Variants in CGRRF1 observed in about 807,000 individuals in gnomAD.
CGRRF1 encodes the protein cell growth regulator with ring finger domain 1, also known as cell growth regulator with RING finger domain protein 1.
Under a neutral mutation model 37.2 loss-of-function variants are expected in CGRRF1, and 32 were observed. The ratio of observed to expected loss-of-function variants is 0.86; its 90% confidence interval spans 0.65 to 1.16. The LOEUF (loss-of-function observed/expected upper bound fraction) is 1.16, where lower values mean the gene tolerates loss of function less well. CGRRF1 is among the 50% of genes most tolerant of loss of function. The pLI, the probability that CGRRF1 is intolerant of heterozygous loss-of-function variation, is 0.00. For synonymous variants in CGRRF1, 141 were observed against 140.3 expected (o/e 1.00, Z -0.04); for missense variants, 391 against 382.6 (o/e 1.02, Z -0.18).
At chr14:54,512,494 C>T (rs1235968854) in intron 1 of CGRRF1, among the ~76,000 whole-genome samples, 2 of 152,208 alleles carry the variant, frequency 1.3e-5, no homozygotes, top group African/African-American at 2.4e-5. Flanking sequence ...TATTCCCGGC[C>T]TCCTCTTGAC....
intron 4 of CGRRF1, chr14:54,536,347 C>T (rs1000571982): frequency 2.0e-5 from 3 of 152,034 alleles, no homozygotes; most frequent in African/African-American, 7.3e-5. Context: ...TGTGCTTGGA[C>T]ATTCAGGTGG....
chr14:54,535,558 T>A (rs926202825), intron 4 of CGRRF1, among the ~76,000 whole-genome samples: 1 of 152,200 alleles, frequency 6.6e-6, no homozygotes, highest in African/African-American at 2.4e-5. Context: ...CATGTTAATT[T>A]TGATCTCTTA....
chr14:54,528,854 C>CAAGGAAACCG (rs1377549765), intron 2 of CGRRF1, among the ~76,000 whole-genome samples: 2 of 152,142 alleles, frequency 1.3e-5, no homozygotes, highest in Non-Finnish European at 2.9e-5. Context: ...CAATGCTACT[C>CAAGGAAACCG]AGACTCTCAG....
chr14:54,522,691 T>C (rs955411082), intron 2 of CGRRF1, 98 bp downstream of exon 2: 11 of 1,148,442 alleles, frequency 9.6e-6, no homozygotes, highest in Non-Finnish European at 1.4e-5. Context: ...ATTAGACTTT[T>C]AACAAACATT....
intron 4 of CGRRF1, among the ~76,000 whole-genome samples, chr14:54,533,859 T>A (rs2032559563): frequency 1.3e-5 from 2 of 152,184 alleles, no homozygotes; most frequent in South Asian, 4.1e-4. Context: ...AAAGTGTAGA[T>A]AAGCCAAAAG....
chr14:54,511,091 G>A (rs1036933673), intron 1 of CGRRF1, among the ~76,000 whole-genome samples: 4 of 152,214 alleles, frequency 2.6e-5, no homozygotes, highest in African/African-American at 9.6e-5. Flanking sequence ...CAGAGAACAT[G>A]TTAGTGAATA....
At chr14:54,532,817 C>T (rs1344506569) in intron 4 of CGRRF1, among the ~76,000 whole-genome samples, 1 of 151,992 alleles carries the variant, frequency 6.6e-6, no homozygotes, top group East Asian at 1.9e-4. Context: ...GGCCTTCTGG[C>T]TTCCTCCCTC....
chr14:54,521,248 G>A (rs1415291972), intron 1 of CGRRF1, among the ~76,000 whole-genome samples: 2 of 151,964 alleles, frequency 1.3e-5, no homozygotes, highest in African/African-American at 2.4e-5. Flanking sequence ...ATCACCTAAG[G>A]TCAGGAGTTC....
At chr14:54,531,484 G>A (rs181362336) in intron 4 of CGRRF1, among the ~76,000 whole-genome samples, 1 of 152,160 alleles carries the variant, frequency 6.6e-6, no homozygotes, top group East Asian at 1.9e-4. Context: ...TGTCATATTT[G>A]CTGTATAGAA....
At chr14:54,533,844 A>G (rs1279759595) in intron 4 of CGRRF1, among the ~76,000 whole-genome samples, 1 of 152,090 alleles carries the variant, frequency 6.6e-6, no homozygotes, top group Non-Finnish European at 1.5e-5. Flanking sequence ...AGGAAAAAAA[A>G]TTAGAAAGTG....
intron 1 of CGRRF1, among the ~76,000 whole-genome samples, chr14:54,510,623 T>C (rs1332020033): frequency 1.3e-5 from 2 of 152,226 alleles, no homozygotes; most frequent in Non-Finnish European, 2.9e-5. Flanking sequence ...ATTTAGTCGA[T>C]AGAATTGTAA....
At chr14:54,531,865 T>C (rs139771173) in intron 4 of CGRRF1, among the ~76,000 whole-genome samples, 1 of 152,294 alleles carries the variant, frequency 6.6e-6, no homozygotes, top group African/African-American at 2.4e-5. Flanking sequence ...GGTAAAAATG[T>C]CCTTACACAC....
chr14:54,521,325 G>C (rs1297510173), intron 1 of CGRRF1, among the ~76,000 whole-genome samples: 1 of 151,726 alleles, frequency 6.6e-6, no homozygotes, highest in East Asian at 2.0e-4. Context: ...CCTGGGCATG[G>C]TGGCACATGC....
Position 54,531,009 on chromosome 14 carries a change from T to C in CGRRF1, c.529T>C (p.Leu177=). ...PRSRYPLVAL[L]TLADEDDREI... ...ATCTCGCTATCCATTGGTAGCGCTA[T>C]TGACCTTAGCTGATGAGGATGACCG... The change falls in exon 4 of 6, where the codon TTG becomes CTG. Residue 177 remains leucine (L), a synonymous_variant. Transcript: ENST00000216420. 6.2e-7 allele frequency: 1 copy of C among 1,612,760 alleles called. No homozygotes were observed. The highest frequency in any genetic ancestry group is 8.5e-7 in the Non-Finnish European group (1 of 1,179,220).
intron 4 of CGRRF1, among the ~76,000 whole-genome samples, chr14:54,535,634 C>G (rs2032589601): frequency 6.6e-6 from 1 of 152,076 alleles, no homozygotes; most frequent in African/African-American, 2.4e-5. Context: ...TGAGGAGGCA[C>G]TGTAAGATCA....
intron 2 of CGRRF1, among the ~76,000 whole-genome samples, chr14:54,526,065 C>G (rs1395292681): frequency 6.6e-6 from 1 of 151,634 alleles, no homozygotes; most frequent in Non-Finnish European, 1.5e-5. Flanking sequence ...CCACTGCACT[C>G]CAGCCTGGGC....
At chr14:54,529,764 C>T (rs1200922463) in intron 2 of CGRRF1, among the ~76,000 whole-genome samples, 1 of 152,056 alleles carries the variant, frequency 6.6e-6, no homozygotes, top group Non-Finnish European at 1.5e-5. Flanking sequence ...TGGGAAATGT[C>T]TTAGAGTCGC....
In CGRRF1 at chr14:54,530,220, A is replaced by G; in HGVS notation, c.416A>G (p.Gln139Arg). Residue 139 changes from glutamine to arginine, a missense_variant, in exon 3 of 6, where the codon CAG (glutamine) becomes CGG (arginine). Transcript: ENST00000216420. ...ALYSEYLYQE[Q>R]YFIKKDSKEE... ...TATAGTGAATATCTCTATCAGGAAC[A>G]GTATTTGTATCCTTTCGTCTGATAT... The G allele has an allele frequency of 6.2e-7, 1 of 1,600,514 alleles. No homozygotes were observed. The highest frequency in any genetic ancestry group is 8.6e-7 in the Non-Finnish European group (1 of 1,169,354).
At chr14:54,529,277 C>CA (rs1159615574) in intron 2 of CGRRF1, among the ~76,000 whole-genome samples, 4 of 152,168 alleles carry the variant, frequency 2.6e-5, no homozygotes, top group Admixed American at 6.5e-5. Flanking sequence ...ACAAATACCA[C>CA]TAGGAGGGGG....
Sources: gnomAD v4.1 joint callset for allele counts (sites outside exome capture counted in the v4.1 genomes callset) on GRCh38, gnomAD v4.1.1 for gene constraint, MANE v1.5 for transcripts, NCBI Gene and HGNC (gene_info 2026-07-23, HGNC 2026-07-21) for gene names.